FOXP1: variants seen among roughly 807,000 people sequenced by gnomAD.
FOXP1 encodes forkhead box P1.
In FOXP1, 15 loss-of-function variants were observed where a neutral mutation model predicts 98.2. The ratio of observed to expected loss-of-function variants is 0.15; its 90% CI spans 0.10 to 0.24. The LOEUF (loss-of-function observed/expected upper bound fraction) is 0.24. Ranked by LOEUF, FOXP1 falls within the 10% of genes least tolerant of loss-of-function variation. FOXP1 has a pLI of 1.00. For missense variants in FOXP1, 633 were observed against 848.5 expected (o/e 0.75, Z 3.15); for synonymous variants, 371 against 314.5 (o/e 1.18, Z -1.90).
Position 71,216,380 on chromosome 3 carries a change from T to C in FOXP1, c.-11-17988A>G, listed in dbSNP as rs187322641. ...CTTCCTTCCAACAGGTGTAGATTTG[T>C]GATGGGAGAATTCTGACCTCACTTT... On this transcript the variant is annotated intron_variant, in intron 5 of 20. Coordinates refer to ENST00000649528, the MANE Select transcript of FOXP1 (RefSeq NM_001349338.3). 3.2e-3 allele frequency among the ~76,000 whole-genome samples: 483 copies of C among 151,794 alleles called. 5 individuals carry two copies. The highest frequency in any genetic ancestry group is 0.011 in the African/African-American group (475 of 41,344).
At chr3:71,197,909 A>G (rs774638015) in intron 6 of FOXP1, 1 of 1,614,192 alleles carries the variant, frequency 6.2e-7, no homozygotes, top group Non-Finnish European at 8.5e-7. Flanking sequence ...TTTATTCAAA[A>G]TGGGGAAGGG....
chr3:71,081,123 T>A (rs750664051), intron 7 of FOXP1, among the ~76,000 whole-genome samples: 10 of 152,162 alleles, frequency 6.6e-5, no homozygotes, highest in Admixed American at 1.3e-4. Context: ...TGTGTCCAGG[T>A]TTACCTTGGA....
At chr3:71,337,919 A>C (rs1212541583) in intron 4 of FOXP1, among the ~76,000 whole-genome samples, 12 of 152,320 alleles carry the variant, frequency 7.9e-5, no homozygotes, top group Non-Finnish European at 8.8e-5. Flanking sequence ...CAAGATATGT[A>C]CCTCCGTTAT....
intron 3 of FOXP1, among the ~76,000 whole-genome samples, chr3:71,450,213 T>C (rs2086813382): frequency 1.3e-5 from 2 of 152,240 alleles, no homozygotes; most frequent in African/African-American, 4.8e-5. Flanking sequence ...ACTACTTTGG[T>C]TAGAAATGCT....
At chr3:71,352,470 C>CAAAAA (rs34693899) in intron 4 of FOXP1, among the ~76,000 whole-genome samples, 35 of 67,028 alleles carry the variant, frequency 5.2e-4, no homozygotes, top group African/African-American at 8.2e-4. Flanking sequence ...GACTCCATCT[C>CAAAAA]AAAAAAAAAA....
intron 2 of FOXP1, among the ~76,000 whole-genome samples, chr3:71,511,578 T>G (rs1440917553): frequency 6.6e-6 from 1 of 152,108 alleles, no homozygotes; most frequent in Non-Finnish European, 1.5e-5. Flanking sequence ...CAAGTGCCAA[T>G]ATTTTTAAAT....
intron 3 of FOXP1, among the ~76,000 whole-genome samples, chr3:71,470,206 G>A (rs1195717683): frequency 2.0e-5 from 3 of 152,094 alleles, no homozygotes; most frequent in Non-Finnish European, 4.4e-5. Flanking sequence ...GTGACCGTGG[G>A]TAAGTTATTT....
At chr3:71,413,737 G>A (rs2082979872) in intron 3 of FOXP1, among the ~76,000 whole-genome samples, 1 of 151,984 alleles carries the variant, frequency 6.6e-6, no homozygotes, top group Admixed American at 6.5e-5. Context: ...TGTACGGTAT[G>A]ACCTCATTTT....
chr3:71,463,507 G>A (rs750166142), intron 3 of FOXP1, among the ~76,000 whole-genome samples: 5 of 152,114 alleles, frequency 3.3e-5, no homozygotes, highest in Non-Finnish European at 5.9e-5. Context: ...CTAAGGAGCT[G>A]TATGCAACAG....
intron 18 of FOXP1, chr3:70,972,040 G>C: frequency 6.8e-7 from 1 of 1,461,410 alleles, no homozygotes; most frequent in Non-Finnish European, 9.0e-7. Context: ...AGTTTTCATC[G>C]GGGCAGTATT....
At chr3:71,402,694 A>G (rs545810885) in intron 3 of FOXP1, among the ~76,000 whole-genome samples, 1 of 152,366 alleles carries the variant, frequency 6.6e-6, no homozygotes, top group South Asian at 2.1e-4. Context: ...TGTGTACATA[A>G]GTGTATATAA....
intron 3 of FOXP1, among the ~76,000 whole-genome samples, chr3:71,459,983 G>C (rs183519753): frequency 0.011 from 1,729 of 151,286 alleles, 39 homozygotes; most frequent in African/African-American, 0.04. Flanking sequence ...ACCCAGGCTG[G>C]AGTGCAGTGG....
chr3:71,496,958 GGA>G (rs1560567252), intron 2 of FOXP1, among the ~76,000 whole-genome samples: 1 of 139,600 alleles, frequency 7.2e-6, no homozygotes, highest in South Asian at 2.2e-4. Context: ...TGTGGTGTGT[GGA>G]AGTGTGTGTG....
At chr3:71,219,513 C>T (rs1322433227) in intron 5 of FOXP1, among the ~76,000 whole-genome samples, 1 of 152,200 alleles carries the variant, frequency 6.6e-6, no homozygotes, top group Non-Finnish European at 1.5e-5. Flanking sequence ...GTATGTGAAT[C>T]TCTTCTTTTA....
chr3:71,566,083 T>A (rs1248750460), intron 2 of FOXP1, among the ~76,000 whole-genome samples: 1 of 152,184 alleles, frequency 6.6e-6, no homozygotes, highest in Admixed American at 6.5e-5. Context: ...AACATCCACA[T>A]CTCTCACTGA....
At position 70,955,516 on chromosome 3, in the gene FOXP1, T is replaced by C; in HGVS notation, c.*3731A>G. The C allele has an allele frequency of 4.3e-6, 1 of 232,950 alleles. No homozygotes were observed. Among genetic ancestry groups the C allele is most frequent in the East Asian group, 6.0e-5 (1 of 16,552 alleles). The allele number at this position is 232,950 out of a possible 1,614,324, so 14.4% of individuals were successfully genotyped here. Reference sequence around the variant, plus strand: ...GGGACTACCTCCCTAATGTATGCTTTTCTTTGAGAAAAAAAAAGTAACAGA... The same window carrying C: ...GGGACTACCTCCCTAATGTATGCTTCTCTTTGAGAAAAAAAAAGTAACAGA... On this transcript the variant is annotated 3_prime_UTR_variant, in exon 21 of 21. Transcript: ENST00000649528.
intron 18 of FOXP1, chr3:70,971,947 A>G: frequency 1.6e-6 from 2 of 1,270,622 alleles, no homozygotes; most frequent in Non-Finnish European, 2.0e-6. Flanking sequence ...ACATGGGATG[A>G]GTCAACCATG....
intron 5 of FOXP1, among the ~76,000 whole-genome samples, chr3:71,202,595 T>G (rs2063744710): frequency 6.6e-6 from 1 of 152,194 alleles, no homozygotes; most frequent in Non-Finnish European, 1.5e-5. Context: ...ATAAGAAAAC[T>G]AAAGCTCAAT....
chr3:71,510,932 G>A (rs1027431780), intron 2 of FOXP1, among the ~76,000 whole-genome samples: 8 of 152,168 alleles, frequency 5.3e-5, no homozygotes, highest in Admixed American at 3.9e-4. Context: ...TCTGAGATAC[G>A]TGTGCTAAAT....
Sources: gnomAD v4.1 joint callset for allele counts (sites outside exome capture counted in the v4.1 genomes callset) on GRCh38, gnomAD v4.1.1 for gene constraint, MANE v1.5 for transcripts, NCBI Gene and HGNC (gene_info 2026-07-23, HGNC 2026-07-21) for gene names.